The following AGBL4 variants were observed in gnomAD, a reference collection of about 807,000 sequenced individuals.
AGBL4 encodes the protein AGBL carboxypeptidase 4, also known as cytosolic carboxypeptidase 6.
AGBL4 carries 58 observed loss-of-function variants against 66.4 expected under a neutral mutation model. The observed-to-expected ratio is 0.87, with a 90% CI of 0.71 to 1.09. The LOEUF is 1.09. Ranked by LOEUF, AGBL4 falls within the 50% of genes least tolerant of loss-of-function variation. The pLI is 0.00. For missense variants in AGBL4, 579 were observed against 631.0 expected, an observed-to-expected ratio of 0.92 and a Z score of 0.88; for synonymous variants, 234 against 222.9, an observed-to-expected ratio of 1.05 and a Z score of -0.44.
chr1:48,885,696 G>A (rs550602494), intron 5 of AGBL4, among the ~76,000 whole-genome samples: 1 of 152,176 alleles, frequency 6.6e-6, no homozygotes, highest in Non-Finnish European at 1.5e-5. Context: ...GTGCTCTCTT[G>A]GGTATAGGGG....
At chr1:48,820,704 G>A (rs1646292043) in intron 6 of AGBL4, among the ~76,000 whole-genome samples, 1 of 152,084 alleles carries the variant, frequency 6.6e-6, no homozygotes, top group Admixed American at 6.6e-5. Context: ...ACTATAGTTG[G>A]CTCTACCTAG....
intron 3 of AGBL4, among the ~76,000 whole-genome samples, chr1:49,512,379 G>C (rs1208835205): frequency 6.6e-6 from 1 of 151,986 alleles, no homozygotes; most frequent in African/African-American, 2.4e-5. Flanking sequence ...GGTTGGCTCA[G>C]ATAATTAAAT....
intron 3 of AGBL4, among the ~76,000 whole-genome samples, chr1:49,371,690 T>C (rs565238803): frequency 6.6e-6 from 1 of 152,250 alleles, no homozygotes; most frequent in South Asian, 2.1e-4. Context: ...TCCCCGTATA[T>C]GTTATAAAAT....
At chr1:49,782,650 G>C (rs1644364189) in intron 2 of AGBL4, among the ~76,000 whole-genome samples, 1 of 152,230 alleles carries the variant, frequency 6.6e-6, no homozygotes, top group Admixed American at 6.5e-5. Context: ...GTGTTGGTAA[G>C]TGGGGTCTAA....
At chr1:49,673,234 T>A (rs10888665) in intron 3 of AGBL4, among the ~76,000 whole-genome samples, 1 of 151,962 alleles carries the variant, frequency 6.6e-6, no homozygotes, top group Non-Finnish European at 1.5e-5. Context: ...CAAAAATCAA[T>A]AAATTTCTTA....
At chr1:49,986,984 T>C (rs1206420500) in intron 1 of AGBL4, among the ~76,000 whole-genome samples, 2 of 152,052 alleles carry the variant, frequency 1.3e-5, no homozygotes, top group Non-Finnish European at 2.9e-5. Flanking sequence ...TAACATCATC[T>C]ATCCCCCAAA....
chr1:49,487,852 A>G (rs931709511), intron 3 of AGBL4, among the ~76,000 whole-genome samples: 1 of 151,904 alleles, frequency 6.6e-6, no homozygotes, highest in African/African-American at 2.4e-5. Context: ...TGATATTCTG[A>G]GTACCGACCC....
chr1:49,556,764 G>T (rs538432111), intron 3 of AGBL4, among the ~76,000 whole-genome samples: 26 of 152,110 alleles, frequency 1.7e-4, no homozygotes, highest in African/African-American at 5.1e-4. Context: ...CAGGGGGCGA[G>T]GTCCGTCGGG....
At chr1:49,795,038 A>G (rs1644696022) in intron 2 of AGBL4, among the ~76,000 whole-genome samples, 1 of 151,998 alleles carries the variant, frequency 6.6e-6, no homozygotes, top group Non-Finnish European at 1.5e-5. Flanking sequence ...AGATAGCAAT[A>G]CGAAGATAGG....
chr1:49,131,132 T>G (rs1337670527), intron 4 of AGBL4, among the ~76,000 whole-genome samples: 1 of 152,068 alleles, frequency 6.6e-6, no homozygotes, highest in Non-Finnish European at 1.5e-5. Context: ...AAACCAGGCA[T>G]GAAAGAATAT....
intron 1 of AGBL4, 68 bp downstream of exon 1, chr1:50,023,695 C>G (rs2148457457): frequency 2.0e-6 from 3 of 1,504,546 alleles, no homozygotes; most frequent in African/African-American, 1.4e-5. Flanking sequence ...TGCCCGAGTC[C>G]CCTGTTGCCT....
At chr1:49,421,102 C>A (rs1645536695) in intron 3 of AGBL4, among the ~76,000 whole-genome samples, 1 of 152,114 alleles carries the variant, frequency 6.6e-6, no homozygotes, top group Non-Finnish European at 1.5e-5. Context: ...ATTGACTATA[C>A]CACTTAAAAT....
chr1:49,997,664 C>T (rs1187876810), intron 1 of AGBL4, among the ~76,000 whole-genome samples: 1 of 151,964 alleles, frequency 6.6e-6, no homozygotes, highest in Non-Finnish European at 1.5e-5. Context: ...AGAAAGTCAA[C>T]AAAGAAACAA....
At chr1:49,670,292 A>C (rs2124521872) in intron 3 of AGBL4, among the ~76,000 whole-genome samples, 1 of 152,266 alleles carries the variant, frequency 6.6e-6, no homozygotes, top group Non-Finnish European at 1.5e-5. Context: ...TAACCAAAAA[A>C]CAAAACAAAA....
chr1:48,608,845 G>A (rs575654781), intron 9 of AGBL4, among the ~76,000 whole-genome samples: 86 of 152,062 alleles, frequency 5.7e-4, no homozygotes, highest in African/African-American at 2.1e-3. Flanking sequence ...CCAAACACCC[G>A]AGAGATCAAT....
At chr1:48,993,822 TC>T (rs1660793449) in intron 5 of AGBL4, among the ~76,000 whole-genome samples, 1 of 151,956 alleles carries the variant, frequency 6.6e-6, no homozygotes, top group Non-Finnish European at 1.5e-5. Flanking sequence ...CACTGCACTC[TC>T]CCTCCCTGAA....
chr1:49,981,635 C>T (rs1467875474), intron 1 of AGBL4, among the ~76,000 whole-genome samples: 2 of 152,060 alleles, frequency 1.3e-5, no homozygotes, highest in Non-Finnish European at 2.9e-5. Flanking sequence ...ATAGCTCCAC[C>T]AATGACTAGC....
chr1:49,466,359 A>G (rs1377397890), intron 3 of AGBL4, among the ~76,000 whole-genome samples: 1 of 151,936 alleles, frequency 6.6e-6, no homozygotes, highest in Non-Finnish European at 1.5e-5. Context: ...CTCACAAGTC[A>G]AAGAAGAGAA....
At chr1:48,983,084 T>C (rs562918437) in intron 5 of AGBL4, among the ~76,000 whole-genome samples, 1 of 152,286 alleles carries the variant, frequency 6.6e-6, no homozygotes, top group South Asian at 2.1e-4. Context: ...AGATGTTATT[T>C]TGGGACCAAG....
Sources: allele counts gnomAD v4.1 joint callset (sites outside exome capture counted in the v4.1 genomes callset), GRCh38; gene constraint gnomAD v4.1.1; transcripts MANE v1.5; gene names NCBI Gene and HGNC (gene_info 2026-07-23, HGNC 2026-07-21).